The following TPD52L1 variants were observed in gnomAD, a reference collection of about 807,000 sequenced individuals.
TPD52L1 encodes the protein tumor protein D53.
A neutral mutation model predicts 28.7 loss-of-function variants in TPD52L1; 18 were observed. The observed-to-expected ratio is 0.63, with a 90% CI of 0.43 to 0.93. The LOEUF is 0.93. TPD52L1 is among the 40% of genes least tolerant of loss of function. TPD52L1 has a pLI of 0.00. For missense variants in TPD52L1, 203 were observed against 254.8 expected (o/e 0.80, Z 1.39); for synonymous variants, 75 against 88.8 (o/e 0.84, Z 0.88).
intron 2 of TPD52L1, among the ~76,000 whole-genome samples, chr6:125,220,785 A>C (rs1248565575): frequency 6.6e-6 from 1 of 152,196 alleles, no homozygotes; most frequent in African/African-American, 2.4e-5. Flanking sequence ...TGTCAGGCTC[A>C]TTATGAATAC....
At chr6:125,190,274 C>T (rs1165943284) in intron 1 of TPD52L1, among the ~76,000 whole-genome samples, 4 of 152,042 alleles carry the variant, frequency 2.6e-5, no homozygotes, top group African/African-American at 9.7e-5. Flanking sequence ...CAAATGAAGC[C>T]GACCGTTGTC....
intron 1 of TPD52L1, among the ~76,000 whole-genome samples, chr6:125,171,111 T>A (rs1791272130): frequency 6.6e-6 from 1 of 152,190 alleles, no homozygotes; most frequent in South Asian, 2.1e-4. Flanking sequence ...CATCATTAGC[T>A]TCACCTGGGA....
intron 1 of TPD52L1, among the ~76,000 whole-genome samples, chr6:125,189,888 A>G (rs1349351844): frequency 6.6e-6 from 1 of 152,222 alleles, no homozygotes; most frequent in East Asian, 1.9e-4. Context: ...TAAAAGCAAT[A>G]GCAATAATAA....
intron 3 of TPD52L1, among the ~76,000 whole-genome samples, chr6:125,243,464 A>G (rs1038465613): frequency 6.6e-6 from 1 of 151,882 alleles, no homozygotes; most frequent in Admixed American, 6.6e-5. Context: ...GCCATTTAAC[A>G]TAATCCCAAA....
intron 1 of TPD52L1, among the ~76,000 whole-genome samples, chr6:125,170,607 G>A (rs1791232346): frequency 6.6e-6 from 1 of 151,988 alleles, no homozygotes; most frequent in African/African-American, 2.4e-5. Flanking sequence ...CAGAGAACTA[G>A]TACAAGGATG....
At chr6:125,221,177 A>G (rs1397193722) in intron 2 of TPD52L1, among the ~76,000 whole-genome samples, 1 of 152,218 alleles carries the variant, frequency 6.6e-6, no homozygotes, top group African/African-American at 2.4e-5. Context: ...CACACCTCCA[A>G]GTTAATTTCA....
At chr6:125,192,772 G>T (rs1793141154) in intron 1 of TPD52L1, among the ~76,000 whole-genome samples, 1 of 152,128 alleles carries the variant, frequency 6.6e-6, no homozygotes, top group African/African-American at 2.4e-5. Flanking sequence ...GCACCCAGAT[G>T]GACCCATATG....
At chr6:125,168,986 G>T (rs1254647386) in intron 1 of TPD52L1, among the ~76,000 whole-genome samples, 1 of 152,080 alleles carries the variant, frequency 6.6e-6, no homozygotes, top group East Asian at 1.9e-4. Flanking sequence ...GCGCTTTCTT[G>T]CTCCCTCTTT....
intron 5 of TPD52L1, among the ~76,000 whole-genome samples, chr6:125,254,406 C>G (rs563372957): frequency 2.0e-5 from 3 of 152,170 alleles, no homozygotes; most frequent in Admixed American, 2.0e-4. Flanking sequence ...GGCTCTAGCC[C>G]AGCTCTGCCA....
chr6:125,169,634 A>T (rs1320761452), intron 1 of TPD52L1, among the ~76,000 whole-genome samples: 1 of 152,112 alleles, frequency 6.6e-6, no homozygotes, highest in Non-Finnish European at 1.5e-5. Context: ...CCAGAATGGG[A>T]CAGCTTCCTA....
intron 2 of TPD52L1, among the ~76,000 whole-genome samples, chr6:125,227,057 A>G (rs1359386673): frequency 6.6e-6 from 1 of 152,200 alleles, no homozygotes; most frequent in African/African-American, 2.4e-5. Flanking sequence ...GGTTCTATTG[A>G]TTATACTATG....
At chr6:125,217,087 A>G (rs557602470) in intron 1 of TPD52L1, among the ~76,000 whole-genome samples, 1 of 152,300 alleles carries the variant, frequency 6.6e-6, no homozygotes, top group African/African-American at 2.4e-5. Context: ...TAAAGTGGAG[A>G]AAATACTCAT....
chr6:125,247,738 G>GA (rs1217186302), intron 3 of TPD52L1, among the ~76,000 whole-genome samples: 1 of 151,956 alleles, frequency 6.6e-6, no homozygotes, highest in Non-Finnish European at 1.5e-5. Flanking sequence ...AAACTGTTTT[G>GA]AAAAAAAGTC....
At chr6:125,227,428 G>C (rs897330873) in intron 2 of TPD52L1, among the ~76,000 whole-genome samples, 1 of 152,302 alleles carries the variant, frequency 6.6e-6, no homozygotes, top group South Asian at 2.1e-4. Context: ...TCCAAGGAAC[G>C]CATTTGCAAG....
Position 125,225,090 on chromosome 6 carries a change from A to T in TPD52L1, c.136-4028A>T, listed in dbSNP as rs372920275. On this transcript the variant is annotated intron_variant, in intron 2 of 6. Transcript: ENST00000534000. ...ATTCTTGATATTTCATATAAATGGA[A>T]TCATACAATATGGGACCTTTTGTGT... 9.4e-4 allele frequency among the ~76,000 whole-genome samples: 143 copies of T among 152,348 alleles called. 3 individuals are homozygous for T. The South Asian group carries it at 0.029, about 31-fold the overall frequency.
intron 4 of TPD52L1, chr6:125,252,584 C>T (rs993737408): frequency 6.6e-6 from 1 of 152,114 alleles, no homozygotes; most frequent in Non-Finnish European, 1.5e-5. Context: ...CCCAAGCCCC[C>T]GAATTAAAAC....
At chr6:125,194,644 C>T (rs1294260057) in intron 1 of TPD52L1, among the ~76,000 whole-genome samples, 1 of 152,184 alleles carries the variant, frequency 6.6e-6, no homozygotes, top group Admixed American at 6.5e-5. Flanking sequence ...CTACCTCTGT[C>T]TAAATCTTAT....
intron 1 of TPD52L1, among the ~76,000 whole-genome samples, chr6:125,175,507 T>C (rs886134438): frequency 3.3e-5 from 5 of 152,044 alleles, no homozygotes; most frequent in African/African-American, 1.2e-4. Flanking sequence ...TGTGTCAACA[T>C]AAAGATAGAA....
chr6:125,254,194 G>T (rs79090558), intron 5 of TPD52L1, among the ~76,000 whole-genome samples: 5 of 152,274 alleles, frequency 3.3e-5, no homozygotes, highest in East Asian at 1.9e-4. Flanking sequence ...GTTCTAGAGA[G>T]GATATCATTA....
Sources: allele counts gnomAD v4.1 joint callset (sites outside exome capture counted in the v4.1 genomes callset), GRCh38; gene constraint gnomAD v4.1.1; transcripts MANE v1.5; gene names NCBI Gene and HGNC (gene_info 2026-07-23, HGNC 2026-07-21).